The following SMAD1 variants were observed in gnomAD, a reference collection of about 807,000 sequenced individuals.
The protein encoded by SMAD1 is SMAD family member 1, also known as MAD, mothers against decapentaplegic homolog 1.
Under a neutral mutation model 41.6 loss-of-function variants are expected in SMAD1, and 6 were observed. The ratio of observed to expected loss-of-function variants is 0.14; its 90% CI spans 0.08 to 0.28. The LOEUF (loss-of-function observed/expected upper bound fraction) is 0.28, where lower values mean the gene tolerates loss of function less well. SMAD1 is among the 10% of genes least tolerant of loss of function. The pLI is 1.00. For missense variants in SMAD1, 379 were observed against 582.6 expected (o/e 0.65, Z 3.60); for synonymous variants, 206 against 203.2 (o/e 1.01, Z -0.12).
At chr4:145,547,042 T>A in intron 5 of SMAD1, 118 bp downstream of exon 5, 1 of 769,154 alleles carries the variant, frequency 1.3e-6, no homozygotes, top group Non-Finnish European at 2.2e-6. Flanking sequence ...TAATGTTCAC[T>A]TGCTGCAGTT....
At chr4:145,540,195 T>C in intron 3 of SMAD1, 134 bp downstream of exon 3, 5 of 974,560 alleles carry the variant, frequency 5.1e-6, no homozygotes, top group South Asian at 5.0e-5. Flanking sequence ...CTCGCACTTT[T>C]AGGATACAAC....
At chr4:145,529,668 G>A (rs1370233204) in intron 2 of SMAD1, among the ~76,000 whole-genome samples, 1 of 152,164 alleles carries the variant, frequency 6.6e-6, no homozygotes, top group South Asian at 2.1e-4. Context: ...TCTGTATACT[G>A]TCAAAGAATC....
chr4:145,541,073 A>G (rs1011427447), intron 3 of SMAD1, among the ~76,000 whole-genome samples: 2 of 152,154 alleles, frequency 1.3e-5, no homozygotes, highest in Non-Finnish European at 2.9e-5. Context: ...TAGTTTAAAA[A>G]TCAAAGTAAC....
intron 1 of SMAD1, among the ~76,000 whole-genome samples, chr4:145,511,705 G>A (rs1345837533): frequency 1.3e-5 from 2 of 152,166 alleles, no homozygotes; most frequent in African/African-American, 4.8e-5. Flanking sequence ...GATAACACAA[G>A]GACCTTAGAA....
chr4:145,530,741 A>G (rs1166585506), intron 2 of SMAD1, among the ~76,000 whole-genome samples: 3 of 151,488 alleles, frequency 2.0e-5, no homozygotes, highest in Non-Finnish European at 4.4e-5. Context: ...CTTGCCCCCA[A>G]AAAAACAAAC....
chr4:145,480,946 G>C (rs1357512388), upstream of SMAD1, among the ~76,000 whole-genome samples: 9 of 133,496 alleles, frequency 6.7e-5, no homozygotes, highest in Admixed American at 5.2e-4. Context: ...TGCTTCATGT[G>C]AAATTTATTC....
At chr4:145,516,346 G>C (rs1437827) in intron 2 of SMAD1, among the ~76,000 whole-genome samples, 1 of 151,864 alleles carries the variant, frequency 6.6e-6, no homozygotes, top group African/African-American at 2.4e-5. Context: ...TATACTTTAG[G>C]ATTACCTTGT....
chr4:145,548,202 T>TTTTATTTATTTA (rs377511852), intron 5 of SMAD1, among the ~76,000 whole-genome samples: 10 of 151,902 alleles, frequency 6.6e-5, no homozygotes, highest in African/African-American at 2.4e-4. Context: ...TTTTACTTCA[T>TTTTATTTATTTA]TTTATTTATT....
intron 1 of SMAD1, chr4:145,496,987 A>G (rs1729114487): frequency 6.6e-6 from 1 of 152,214 alleles, no homozygotes; most frequent in Non-Finnish European, 1.5e-5. Context: ...TGTTTTTATA[A>G]TATACTAAAA....
At chr4:145,494,920 G>T (rs190366036) in intron 1 of SMAD1, among the ~76,000 whole-genome samples, 35 of 152,290 alleles carry the variant, frequency 2.3e-4, no homozygotes, top group Non-Finnish European at 4.3e-4. Flanking sequence ...AGACAGAAAG[G>T]ATATGTGTGT....
chr4:145,507,878 T>C (rs961097176), intron 1 of SMAD1, among the ~76,000 whole-genome samples: 1 of 152,158 alleles, frequency 6.6e-6, no homozygotes. Flanking sequence ...TTTGAGTTCC[T>C]TATATGAGGT....
At chr4:145,537,248 G>A (rs1731661533) in intron 2 of SMAD1, among the ~76,000 whole-genome samples, 1 of 152,162 alleles carries the variant, frequency 6.6e-6, no homozygotes, top group South Asian at 2.1e-4. Context: ...GATAACAAAT[G>A]TGTATATGTA....
intron 1 of SMAD1, among the ~76,000 whole-genome samples, chr4:145,489,370 T>C (rs187864849): frequency 6.6e-6 from 1 of 152,262 alleles, no homozygotes; most frequent in Non-Finnish European, 1.5e-5. Context: ...ACTGGAGGGA[T>C]AGAGCCCAGT....
rs375070158 is a variant in SMAD1 at position 145,552,406 on chromosome 4, GGA to G, written c.998-1377_998-1376del. 3.2e-3 allele frequency among the ~76,000 whole-genome samples: 490 copies of G among 152,272 alleles called. 3 individuals are homozygous for G. Among genetic ancestry groups the G allele is most frequent in the African/African-American group, 0.011 (472 of 41,554 alleles). On this transcript the variant is annotated intron_variant, in intron 5 of 6. Coordinates refer to ENST00000302085, the MANE Select transcript of SMAD1 (RefSeq NM_005900.3). Reference sequence around the variant, plus strand: ...AAGGTGGATCATTTAAACCCACATGGGATCTAACGCTGCTGGGTGACCTGTAT... The same window carrying G: ...AAGGTGGATCATTTAAACCCACATGGTCTAACGCTGCTGGGTGACCTGTAT...
intron 5 of SMAD1, among the ~76,000 whole-genome samples, chr4:145,553,212 A>G (rs1028536100): frequency 1.3e-5 from 2 of 151,170 alleles, no homozygotes; most frequent in African/African-American, 4.9e-5. Flanking sequence ...TGCCTGGCCT[A>G]TTACTATTTT....
chr4:145,537,824 T>C (rs550341850), intron 2 of SMAD1, among the ~76,000 whole-genome samples: 2 of 152,320 alleles, frequency 1.3e-5, no homozygotes, highest in Admixed American at 1.3e-4. Flanking sequence ...AAGTCCCCAG[T>C]TCTAAAACTG....
chr4:145,497,686 A>G (rs946662516), intron 1 of SMAD1: 2 of 152,242 alleles, frequency 1.3e-5, no homozygotes, highest in African/African-American at 4.8e-5. Context: ...GGAAGTTAGC[A>G]GATAAGACTG....
At chr4:145,522,899 G>A (rs918269508) in intron 2 of SMAD1, among the ~76,000 whole-genome samples, 2 of 151,836 alleles carry the variant, frequency 1.3e-5, no homozygotes, top group African/African-American at 2.4e-5. Context: ...GGCTGGTCTC[G>A]AACTCCTGAC....
chr4:145,498,949 T>C (rs1729260263), intron 1 of SMAD1, among the ~76,000 whole-genome samples: 1 of 152,268 alleles, frequency 6.6e-6, no homozygotes, highest in Non-Finnish European at 1.5e-5. Flanking sequence ...GTTTCCCCTG[T>C]GGCTCTCTCA....
Sources: gnomAD v4.1 joint callset for allele counts (sites outside exome capture counted in the v4.1 genomes callset) on GRCh38, gnomAD v4.1.1 for gene constraint, MANE v1.5 for transcripts, NCBI Gene and HGNC (gene_info 2026-07-23, HGNC 2026-07-21) for gene names.